LRPPRC: variants seen among roughly 807,000 people sequenced by gnomAD.
LRPPRC encodes leucine-rich PPR motif-containing protein, mitochondrial.
Under a neutral mutation model 180.3 loss-of-function variants are expected in LRPPRC, and 120 were observed. The ratio of observed to expected loss-of-function variants is 0.67; its 90% CI spans 0.57 to 0.77. LRPPRC has a LOEUF of 0.77. Among genes scored for constraint, LRPPRC ranks in the 30% least tolerant of loss-of-function variants. The pLI is 0.00. For synonymous variants in LRPPRC, 723 were observed against 600.0 expected (o/e 1.21, Z -3.00); for missense variants, 2,012 against 1,657.2 (o/e 1.21, Z -3.72).
rs763070990 is a variant in LRPPRC, at chr2:43,948,176, G to C, written c.1866C>G (p.Ile622Met). ...CCAGGAGATTACGAATGCCTCTGTAGATATTTTCAGGAATTTTTACATTCT... is the reference window on the plus strand; with the variant it reads ...CCAGGAGATTACGAATGCCTCTGTACATATTTTCAGGAATTTTTACATTCT... Reference protein sequence around the residue: ...EKMNVKIPENIYRGIRNLLES... With the variant: ...EKMNVKIPENMYRGIRNLLES... The change falls in exon 18 of 38, where the codon ATC becomes ATG. Residue 622 changes from isoleucine to methionine, a missense_variant. Physicochemically the swap from Ile to Met is conservative, Grantham distance 10 (BLOSUM62 1). Coordinates refer to ENST00000260665, the MANE Select transcript of LRPPRC (RefSeq NM_133259.4). 7 of 1,604,398 alleles carry C rather than the reference G, an allele frequency of 4.4e-6. No individual in the cohort carries two copies. Among genetic ancestry groups the C allele is most frequent in the Non-Finnish European group, 6.0e-6 (7 of 1,171,320 alleles).
chr2:43,896,243 T>G (rs1435935699), intron 35 of LRPPRC: 4 of 129,490 alleles, frequency 3.1e-5, no homozygotes, highest in Admixed American at 1.9e-4. Context: ...TTTTTTTTTT[T>G]GTAAAGACCA....
At chr2:43,893,347 C>G (rs185162231) in intron 36 of LRPPRC, among the ~76,000 whole-genome samples, 40 of 152,258 alleles carry the variant, frequency 2.6e-4, no homozygotes, top group African/African-American at 8.7e-4. Context: ...TGCTAACAAA[C>G]AACATCGCAT....
In LRPPRC at chr2:43,912,526, G is replaced by A; in HGVS notation, c.3181C>T (p.Gln1061Ter). 1 of 1,605,972 alleles carries A rather than the reference G, an allele frequency of 6.2e-7. No individual in the cohort carries two copies. Among genetic ancestry groups the A allele is most frequent in the African/African-American group, 1.3e-5 (1 of 74,824 alleles). ...AYDIFLNAKE[Q>*]NIVFNAETYS... is the part of the protein sequence containing the mutation. ...GTTTCAGCATTAAACACAATGTTTT[G>A]CTCTTTTGCATTCAGGAAAATATCA... Residue 1061 changes from glutamine to a stop codon, truncating the protein, a stop_gained, in exon 30 of 38, where the codon CAA (glutamine) becomes TAA (stop). Coordinates refer to ENST00000260665, the MANE Select transcript of LRPPRC (RefSeq NM_133259.4). LOFTEE classifies it high-confidence loss of function.
intron 36 of LRPPRC, 132 bp downstream of exon 36, chr2:43,894,413 T>C (rs1572888560): frequency 3.3e-6 from 2 of 612,888 alleles, no homozygotes; most frequent in East Asian, 5.7e-5. Flanking sequence ...AATTATCTGA[T>C]ATTTAGGATT....
Position 43,943,618 on chromosome 2 carries a change from A to G in LRPPRC, c.2504+69T>C, listed in dbSNP as rs1672568760. 3 of 1,302,168 alleles carry G rather than the reference A, an allele frequency of 2.3e-6. No homozygotes were observed. In the South Asian group the frequency reaches 3.5e-5, roughly 15 times the overall value. 80.7% of individuals were successfully genotyped at this position (1,302,168 alleles called of 1,614,324 possible). On this transcript the variant is annotated intron_variant, in intron 23 of 37. Coordinates refer to ENST00000260665, the MANE Select transcript of LRPPRC (RefSeq NM_133259.4). ...CCCATCATGAGGGTATTTATAAAGTATAATCCGAAAATTATTAGACTCATT... is the reference window on the plus strand; with the variant it reads ...CCCATCATGAGGGTATTTATAAAGTGTAATCCGAAAATTATTAGACTCATT...
intron 26 of LRPPRC, 88 bp downstream of exon 26, chr2:43,925,805 G>A (rs541313957): frequency 1.4e-5 from 12 of 856,384 alleles, no homozygotes; most frequent in Admixed American, 1.0e-4. Context: ...CCTGTCTCTC[G>A]AAGTCCCCAA....
chr2:43,955,714 GGGGAC>G lies in LRPPRC; in HGVS notation c.1649+1666_1649+1670del, dbSNP rs556504369. Among the ~76,000 whole-genome samples, 167 of 152,178 alleles carry G rather than the reference GGGGAC, an allele frequency of 1.1e-3. 2 individuals are homozygous for G. Among genetic ancestry groups the G allele is most frequent in the African/African-American group, 4.0e-3 (167 of 41,540 alleles). On this transcript the variant is annotated intron_variant, in intron 14 of 37. Transcript: ENST00000260665. ...GATTAACCCACTGCACTCTGGCCTT[GGGGAC>G]AGAGCGAGACCCTATCTCAAAAAAA...
intron 11 of LRPPRC, among the ~76,000 whole-genome samples, chr2:43,973,319 C>T (rs1029379173): frequency 3.3e-5 from 5 of 151,832 alleles, no homozygotes; most frequent in African/African-American, 1.2e-4. Flanking sequence ...AAATCAAGAA[C>T]TAAAGAGTTT....
intron 2 of LRPPRC, among the ~76,000 whole-genome samples, chr2:43,980,553 CAAAAAAAAA>C (rs145131663): frequency 1.2e-5 from 1 of 85,080 alleles, no homozygotes; most frequent in Non-Finnish European, 2.4e-5. Context: ...GACTCTGTTT[CAAAAAAAAA>C]AAAAAAAAGA....
chr2:43,943,827 G>A lies in LRPPRC; in HGVS notation c.2364C>T (p.Ser788=), dbSNP rs143672315. 24 of 1,613,202 alleles carry A rather than the reference G, an allele frequency of 1.5e-5. No homozygotes were observed. The African/African-American group carries it at 2.9e-4, about 20-fold the overall frequency. The change falls in exon 23 of 38, where the codon TCC becomes TCT. Residue 788 remains serine (S), a synonymous_variant. Coordinates refer to ENST00000260665, the MANE Select transcript of LRPPRC (RefSeq NM_133259.4). ...CTGCGCCATTTAGCATGTGGAAAAA[G>A]GACAAGGCTGTTGTATCTTTGATAA... ...DVLIKDTTAL[S]FFHMLNGAAL... is the part of the protein sequence containing the mutation.
chr2:43,984,752 A>G (rs546931284), intron 1 of LRPPRC, among the ~76,000 whole-genome samples: 134 of 152,208 alleles, frequency 8.8e-4, no homozygotes, highest in Non-Finnish European at 1.4e-3. Flanking sequence ...GATCACACCC[A>G]CCAGGCTTGC....
chr2:43,941,886 A>C (rs185953438), intron 23 of LRPPRC, among the ~76,000 whole-genome samples: 7 of 151,846 alleles, frequency 4.6e-5, no homozygotes, highest in Admixed American at 4.6e-4. Flanking sequence ...GAATTAAAAT[A>C]AAATAAAAAT....
chr2:43,899,855 C>T lies in LRPPRC; in HGVS notation c.3570-250G>A, dbSNP rs189989471. ...TGCTTCACAGCAGTTCAAATAGTTGCTTGTTTTAACAATGCTCTACAGACA... is the reference window on the plus strand; with the variant it reads ...TGCTTCACAGCAGTTCAAATAGTTGTTTGTTTTAACAATGCTCTACAGACA... On this transcript the variant is annotated intron_variant, in intron 32 of 37. Coordinates refer to ENST00000260665, the MANE Select transcript of LRPPRC (RefSeq NM_133259.4). Among the ~76,000 whole-genome samples, 105 of 152,304 alleles carry T rather than the reference C, an allele frequency of 6.9e-4. 1 individual carries two copies. Among genetic ancestry groups the T allele is most frequent in the Admixed American group, 2.2e-3 (33 of 15,296 alleles).
chr2:43,889,946 C>G, intron 36 of LRPPRC, 70 bp from the exon 37 acceptor site: 5 of 1,143,666 alleles, frequency 4.4e-6, no homozygotes, highest in Non-Finnish European at 5.3e-6. Flanking sequence ...ACCAAAACAG[C>G]CACTCAGGGA....
chr2:43,982,153 C>T, intron 2 of LRPPRC, 85 bp downstream of exon 2: 1 of 899,830 alleles, frequency 1.1e-6, no homozygotes, highest in Non-Finnish European at 1.7e-6. Flanking sequence ...AGCGATCTAC[C>T]TGCCTCCCAA....
chr2:43,996,257 G>C (rs1202476319), upstream of LRPPRC, among the ~76,000 whole-genome samples: 3 of 152,316 alleles, frequency 2.0e-5, no homozygotes, highest in South Asian at 2.1e-4. Context: ...AGCCGCAAGA[G>C]GTCAACTCCT....
At position 43,977,384 on chromosome 2, in the gene LRPPRC, T is replaced by C. The variant is rs976371267; in HGVS notation, c.470-108A>G. The C allele has an allele frequency of 1.6e-5, 14 of 859,326 alleles. No homozygotes were observed. In the African/African-American group the frequency reaches 2.3e-4, roughly 14 times the overall value. 53.2% of individuals were successfully genotyped at this position (859,326 alleles called of 1,614,324 possible). ...AAGAGTAAAACTATCACTTTAGCAT[T>C]TCACCCATCCATCTTGGCGCTCAGA... On this transcript the variant is annotated intron_variant, in intron 3 of 37. Transcript: ENST00000260665.
rs144407909 is a variant in LRPPRC at position 43,923,949 on chromosome 2, A to G, written c.2896+1118T>C. Reference sequence around the variant, plus strand: ...TACAGGTTTTTAATTCTATACATTCAATACCAAACTCAGCATTGTGTGCAA... The same window carrying G: ...TACAGGTTTTTAATTCTATACATTCGATACCAAACTCAGCATTGTGTGCAA... On this transcript the variant is annotated intron_variant, in intron 27 of 37. Coordinates refer to ENST00000260665, the MANE Select transcript of LRPPRC (RefSeq NM_133259.4). Among the ~76,000 whole-genome samples, 84 of 152,302 alleles carry G rather than the reference A, an allele frequency of 5.5e-4. 1 individual carries two copies. In the East Asian group the frequency reaches 0.015, roughly 28 times the overall value.
chr2:43,976,200 T>G lies in LRPPRC; in HGVS notation c.680A>C (p.Asp227Ala). Residue 227 changes from aspartate to alanine, a missense_variant, in exon 6 of 38, where the codon GAT (aspartate) becomes GCT (alanine). By Grantham distance (126) the Asp-to-Ala change is moderately radical. Transcript: ENST00000260665. ...SKILGFMKTKDLPVTEAVFSA... is the reference protein window; with the variant it reads ...SKILGFMKTKALPVTEAVFSA... Reference sequence around the variant, plus strand: ...GAATACTGCCTCTGTAACTGGGAGATCCTTAGTTTTCATAAATCCAAGAAT... The same window carrying G: ...GAATACTGCCTCTGTAACTGGGAGAGCCTTAGTTTTCATAAATCCAAGAAT... The G allele has an allele frequency of 1.9e-6, 3 of 1,611,346 alleles. No homozygotes were observed. The highest frequency in any genetic ancestry group is 2.5e-6 in the Non-Finnish European group (3 of 1,177,486).
Sources: allele counts gnomAD v4.1 joint callset (sites outside exome capture counted in the v4.1 genomes callset), GRCh38; gene constraint gnomAD v4.1.1; transcripts MANE v1.5; gene names NCBI Gene and HGNC (gene_info 2026-07-23, HGNC 2026-07-21).